Variants in COL4A6 observed in about 807,000 individuals in gnomAD.
COL4A6 encodes collagen alpha-6(IV) chain.
Under a neutral mutation model 126.7 loss-of-function variants are expected in COL4A6, and 59 were observed. The ratio of observed to expected loss-of-function variants is 0.47; its 90% CI spans 0.38 to 0.58. COL4A6 has a LOEUF of 0.58. Among genes scored for constraint, COL4A6 ranks in the 20% least tolerant of loss-of-function variants. The pLI is 0.00. For synonymous variants in COL4A6, 547 were observed against 496.6 expected (o/e 1.10, Z -1.35); for missense variants, 1,285 against 1,337.3 (o/e 0.96, Z 0.61).
intron 40 of COL4A6, among the ~76,000 whole-genome samples, chrX:108,163,751 A>G (rs1439111655): frequency 8.9e-6 from 1 of 112,465 alleles, no homozygotes; most frequent in Non-Finnish European, 1.9e-5. Flanking sequence ...CATCTGTTTT[A>G]GAGAATGATC....
intron 22 of COL4A6, 132 bp from the exon 23 acceptor site, chrX:108,187,411 A>T: frequency 2.0e-6 from 1 of 508,203 alleles, no homozygotes; most frequent in South Asian, 7.0e-5. Flanking sequence ...TCATCACCAT[A>T]GTTTATCTAT....
intron 3 of COL4A6, among the ~76,000 whole-genome samples, chrX:108,252,227 T>C (rs745615999): frequency 9.0e-6 from 1 of 111,050 alleles, no homozygotes; most frequent in African/African-American, 3.3e-5. Context: ...AGTGAGTTCA[T>C]GTGTTATTTA....
At chrX:108,392,691 A>T (rs2040864719) in intron 2 of COL4A6, among the ~76,000 whole-genome samples, 2 of 111,234 alleles carry the variant, frequency 1.8e-5, no homozygotes, top group African/African-American at 3.3e-5. Flanking sequence ...GGCCTTCAGG[A>T]GGTGATTAGG....
At chrX:108,306,180 C>T (rs748883489) in intron 3 of COL4A6, among the ~76,000 whole-genome samples, 13 of 111,903 alleles carry the variant, frequency 1.2e-4, no homozygotes, top group Middle Eastern at 4.7e-3. Flanking sequence ...TCTTATATAG[C>T]AGGGCCATCA....
chrX:108,183,791 G>A (rs1315178241), intron 23 of COL4A6: 1 of 913,825 alleles, frequency 1.1e-6, no homozygotes, highest in Non-Finnish European at 1.4e-6. Flanking sequence ...ATCAAGTGAA[G>A]AAGAAAATTA....
At chrX:108,424,766 C>T (rs1365105846) in intron 2 of COL4A6, among the ~76,000 whole-genome samples, 3 of 111,601 alleles carry the variant, frequency 2.7e-5, no homozygotes, top group Non-Finnish European at 3.8e-5. Context: ...CCTGTAATCC[C>T]AGAACTTTAG....
At chrX:108,394,175 A>G (rs927076374) in intron 2 of COL4A6, among the ~76,000 whole-genome samples, 4 of 111,589 alleles carry the variant, frequency 3.6e-5, no homozygotes, top group African/African-American at 1.3e-4. Context: ...TAACACAAGA[A>G]CAGAAAACCA....
At chrX:108,261,761 G>C (rs775900135) in intron 3 of COL4A6, among the ~76,000 whole-genome samples, 2 of 111,547 alleles carry the variant, frequency 1.8e-5, no homozygotes, top group South Asian at 7.5e-4. Flanking sequence ...TAAATACCTA[G>C]CTCCAGAATT....
In COL4A6 at chrX:108,382,962, A is replaced by AAATAATAATAATAAT. The variant is rs4035941; in HGVS notation, c.63+54965_63+54979dup. Reference sequence around the variant, plus strand: ...GACCCTGTCTCCATTCCCCCGCCAAAAATAATAATAATAATAATAATAATA... The same window carrying AAATAATAATAATAAT: ...GACCCTGTCTCCATTCCCCCGCCAAAAATAATAATAATAATAATAATAATAATAATAATAATAATA... On this transcript the variant is annotated intron_variant, in intron 2 of 44. Transcript: ENST00000334504. Among the ~76,000 whole-genome samples the AAATAATAATAATAAT allele has an allele frequency of 7.4e-3, 652 of 88,282 alleles. 3 individuals are homozygous for AAATAATAATAATAAT. The highest frequency in any genetic ancestry group is 9.4e-3 in the Non-Finnish European group (429 of 45,652). 76.7% of individuals were successfully genotyped at this position (88,282 alleles called of 115,157 possible).
chrX:108,438,491 C>T, upstream of COL4A6: 1 of 983,089 alleles, frequency 1.0e-6, no homozygotes, highest in Non-Finnish European at 1.3e-6. Flanking sequence ...CAATCATCCC[C>T]CCTACCTTGG....
rs771018803 is a variant in COL4A6 at position 108,159,451 on chromosome X, C to T, written c.4812+11G>A. On this transcript the variant is annotated intron_variant, in intron 44 of 44. Coordinates refer to ENST00000334504, the MANE Select transcript of COL4A6 (RefSeq NM_033641.4). ...CCTCCAACTGGGGGAGGAGACAGTG[C>T]AGGACCTTACCATGAGGAAAGAGTA... is the stretch of plus-strand genomic sequence containing the variant. 4 of 1,209,995 alleles carry T rather than the reference C, an allele frequency of 3.3e-6. No individual in the cohort carries two copies. In the Admixed American group the frequency reaches 8.7e-5, roughly 26 times the overall value.
rs1479175908 is a variant in COL4A6 at position 108,178,804 on chromosome X, G to A, written c.2395C>T (p.Arg799Trp). Reference protein sequence around the residue: ...KPGLLGPKGERGSPGTPGQVG... With the variant: ...KPGLLGPKGEWGSPGTPGQVG... ...TGTCCTGGTGTCCCAGGGCTGCCCC[G>A]CTCACCTTTGGGGCCTAGTAAGCCA... Residue 799 changes from arginine to tryptophan, a missense_variant, in exon 27 of 45, where the codon CGG becomes TGG. By Grantham distance (101) the Arg-to-Trp change is moderately radical (BLOSUM62 -3). Coordinates refer to ENST00000334504, the MANE Select transcript of COL4A6 (RefSeq NM_033641.4). 2.5e-6 allele frequency: 3 copies of A among 1,210,909 alleles called. No individual in the cohort carries two copies. The highest frequency in any genetic ancestry group is 1.8e-5 in the South Asian group (1 of 56,812).
Position 108,170,705 on chromosome X carries a change from C to T in COL4A6, c.3397G>A (p.Val1133Ile), listed in dbSNP as rs2034274053. ...GLPGAPGFPG[V>I]AGMRGEPGLP... The stretch of plus-strand genomic sequence containing the variant: ...CCTGGTTCTCCTCTCATGCCGGCAA[C>T]TCCTGGAAATCCTAAATGTGAAACC... The change falls in exon 35 of 45, where the codon GTT (valine) becomes ATT (isoleucine). Residue 1133 changes from valine to isoleucine, a missense_variant. Coordinates refer to ENST00000334504, the MANE Select transcript of COL4A6 (RefSeq NM_033641.4). 3 of 1,206,750 alleles carry T rather than the reference C, an allele frequency of 2.5e-6. No individual in the cohort carries two copies. The highest frequency in any genetic ancestry group is 3.4e-6 in the Non-Finnish European group (3 of 893,156).
intron 2 of COL4A6, among the ~76,000 whole-genome samples, chrX:108,344,307 C>A (rs909770558): frequency 5.4e-5 from 6 of 110,934 alleles, no homozygotes; most frequent in African/African-American, 2.0e-4. Flanking sequence ...GTGATCCCAG[C>A]CAAAGAACAA....
intron 2 of COL4A6, among the ~76,000 whole-genome samples, chrX:108,335,789 G>C (rs1052168690): frequency 2.7e-5 from 3 of 110,992 alleles, no homozygotes; most frequent in Non-Finnish European, 5.7e-5. Flanking sequence ...GCCTCTACTT[G>C]TCTGTGATGC....
chrX:108,168,468 C>T (rs1451287181), intron 37 of COL4A6, among the ~76,000 whole-genome samples: 4 of 112,332 alleles, frequency 3.6e-5, no homozygotes, highest in Non-Finnish European at 5.6e-5. Flanking sequence ...TGTACACAAA[C>T]ATGCACATAA....
At chrX:108,421,282 A>G (rs773522035) in intron 2 of COL4A6, among the ~76,000 whole-genome samples, 6 of 112,488 alleles carry the variant, frequency 5.3e-5, no homozygotes, top group African/African-American at 1.9e-4. Context: ...TTGAGCGCAT[A>G]CAACAATCAG....
intron 3 of COL4A6, among the ~76,000 whole-genome samples, chrX:108,299,561 G>A (rs184891503): frequency 8.1e-5 from 9 of 111,610 alleles, no homozygotes; most frequent in African/African-American, 2.3e-4. Context: ...TCACTGACTC[G>A]TGTCAGCTCT....
chrX:108,320,986 C>T (rs2039012772), intron 2 of COL4A6, among the ~76,000 whole-genome samples: 1 of 111,830 alleles, frequency 8.9e-6, no homozygotes, highest in African/African-American at 3.3e-5. Flanking sequence ...CTTGGGTTCA[C>T]TATAAGACAA....
Sources: allele counts gnomAD v4.1 joint callset (sites outside exome capture counted in the v4.1 genomes callset), GRCh38; gene constraint gnomAD v4.1.1; transcripts MANE v1.5; gene names NCBI Gene and HGNC (gene_info 2026-07-23, HGNC 2026-07-21).